EPG5: variants seen among roughly 807,000 people sequenced by gnomAD.
EPG5 encodes ectopic P-granules 5 autophagy tethering factor.
In EPG5, 159 loss-of-function variants were observed where a neutral mutation model predicts 302.7. The observed-to-expected ratio is 0.53, with a 90% CI of 0.46 to 0.60. The LOEUF is 0.60. EPG5 is among the 20% of genes least tolerant of loss of function. EPG5 has a pLI of 0.00. For synonymous variants in EPG5, 1,158 were observed against 1,136.8 expected, an observed-to-expected ratio of 1.02 and a Z score of -0.37; for missense variants, 2,896 against 3,092.4, an observed-to-expected ratio of 0.94 and a Z score of 1.51.
At chr18:45,839,259 C>A in the EPG5 span, among the ~76,000 whole-genome samples, 7 of 152,204 alleles carry the variant, frequency 4.6e-5, no homozygotes, top group Non-Finnish European at 8.8e-5. Flanking sequence ...GCAGGTGTAA[C>A]CAGCACGAAA....
chr18:45,830,313 T>C, the EPG5 span, among the ~76,000 whole-genome samples: 1 of 152,216 alleles, frequency 6.6e-6, no homozygotes, highest in Non-Finnish European at 1.5e-5. Context: ...CTGCCTACCC[T>C]GGCAACACAG....
At chr18:45,818,317 C>T in the EPG5 span, among the ~76,000 whole-genome samples, 5 of 150,874 alleles carry the variant, frequency 3.3e-5, no homozygotes, top group African/African-American at 4.9e-5. Flanking sequence ...TTGCCAACTT[C>T]TGTGAGAACA....
At chr18:45,951,025 G>T in intron 4 of EPG5, 77 bp downstream of exon 4, 1 of 1,199,528 alleles carries the variant, frequency 8.3e-7, no homozygotes, top group Non-Finnish European at 1.1e-6. Context: ...AAGACCAAAT[G>T]TAATGATATA....
chr18:45,902,219 A>G (rs1049972847), intron 25 of EPG5, among the ~76,000 whole-genome samples: 20 of 152,204 alleles, frequency 1.3e-4, no homozygotes, highest in African/African-American at 4.3e-4. Flanking sequence ...GGAGACTTGT[A>G]TTGTTTGTAC....
chr18:45,821,489 G>A, the EPG5 span, among the ~76,000 whole-genome samples: 4 of 152,216 alleles, frequency 2.6e-5, no homozygotes, highest in African/African-American at 4.8e-5. Context: ...TATAAAACCC[G>A]AAGCTATAAA....
chr18:45,828,334 G>A, the EPG5 span, among the ~76,000 whole-genome samples: 2 of 152,036 alleles, frequency 1.3e-5, no homozygotes, highest in South Asian at 2.1e-4. Context: ...CCCCATACTC[G>A]ACACCCAGTG....
intron 40 of EPG5, among the ~76,000 whole-genome samples, chr18:45,859,148 A>C (rs1289653029): frequency 1.3e-5 from 2 of 152,258 alleles, no homozygotes; most frequent in Non-Finnish European, 2.9e-5. Context: ...TTTAACTTTA[A>C]TACCCTTTTT....
chr18:45,959,694 A>C (rs2051107135), intron 1 of EPG5, among the ~76,000 whole-genome samples: 1 of 132,036 alleles, frequency 7.6e-6, no homozygotes, highest in East Asian at 2.5e-4. Flanking sequence ...AAATAAATAA[A>C]TAGGCCTGGG....
chr18:45,874,800 G>A (rs956756025), intron 35 of EPG5, among the ~76,000 whole-genome samples: 2 of 152,218 alleles, frequency 1.3e-5, no homozygotes, highest in African/African-American at 4.8e-5. Flanking sequence ...ACACATGGCA[G>A]CCACAGGGGC....
At chr18:45,888,224 G>A (rs2049260763) in intron 28 of EPG5, among the ~76,000 whole-genome samples, 1 of 151,882 alleles carries the variant, frequency 6.6e-6, no homozygotes, top group South Asian at 2.1e-4. Context: ...TCCTGCCTCA[G>A]CCTCCTGAGT....
rs2048394364 is a variant in EPG5, at chr18:45,849,280, C to G, written c.*3187G>C. ...CGACCAATAGGCAACGTAGAAACAT[C>G]TTGGTTCAATAGAAAGCAGAACTAC... is the stretch of plus-strand genomic sequence containing the variant. On this transcript the variant is annotated 3_prime_UTR_variant, in exon 44 of 44. Transcript: ENST00000282041. The G allele has an allele frequency of 6.6e-6, 1 of 152,268 alleles. No homozygotes were observed. 9.4% of individuals were successfully genotyped at this position (152,268 alleles called of 1,614,324 possible).
chr18:45,831,095 G>A, the EPG5 span, among the ~76,000 whole-genome samples: 1 of 152,134 alleles, frequency 6.6e-6, no homozygotes, highest in Non-Finnish European at 1.5e-5. Flanking sequence ...GCTAGGGCTG[G>A]AGCCCCGGAC....
chr18:45,929,065 AAC>A, intron 12 of EPG5, 56 bp from the exon 13 acceptor site: 1 of 1,530,698 alleles, frequency 6.5e-7, no homozygotes, highest in Non-Finnish European at 9.0e-7. Context: ...TAGCAGTCAA[AAC>A]ACACTTATAT....
intron 13 of EPG5, among the ~76,000 whole-genome samples, chr18:45,926,425 A>T (rs2050269777): frequency 6.6e-6 from 1 of 152,196 alleles, no homozygotes; most frequent in Non-Finnish European, 1.5e-5. Flanking sequence ...TACTATTCTC[A>T]TTACTTTTAT....
chr18:45,883,880 T>G (rs1041665863), intron 30 of EPG5, among the ~76,000 whole-genome samples: 1 of 149,570 alleles, frequency 6.7e-6, no homozygotes, highest in Non-Finnish European at 1.5e-5. Flanking sequence ...AGAGTTAATA[T>G]TCTAATGTTA....
chr18:45,876,482 G>A (rs2048973665), intron 34 of EPG5, 140 bp from the exon 35 acceptor site: 1 of 597,970 alleles, frequency 1.7e-6, no homozygotes. Context: ...TTAAAAGGCT[G>A]TAAATAACTG....
chr18:45,864,565 A>G (rs1214943612), intron 39 of EPG5, among the ~76,000 whole-genome samples: 1 of 151,958 alleles, frequency 6.6e-6, no homozygotes, highest in African/African-American at 2.4e-5. Context: ...GTTGTTTTCT[A>G]TTACTTTGCT....
intron 11 of EPG5, among the ~76,000 whole-genome samples, chr18:45,931,962 G>A (rs1368553739): frequency 6.6e-6 from 1 of 151,668 alleles, no homozygotes; most frequent in Non-Finnish European, 1.5e-5. Context: ...GAGAAACCAA[G>A]GTAGATAGCT....
At chr18:45,902,409 A>C (rs1282402993) in intron 25 of EPG5, among the ~76,000 whole-genome samples, 1 of 152,258 alleles carries the variant, frequency 6.6e-6, no homozygotes, top group Non-Finnish European at 1.5e-5. Flanking sequence ...ATAAGAGGCC[A>C]TGATGCTAAA....
Sources: gnomAD v4.1 joint callset for allele counts (sites outside exome capture counted in the v4.1 genomes callset) on GRCh38, gnomAD v4.1.1 for gene constraint, MANE v1.5 for transcripts, NCBI Gene and HGNC (gene_info 2026-07-23, HGNC 2026-07-21) for gene names.